RPS6KA2: variants seen among roughly 807,000 people sequenced by gnomAD.
The protein encoded by RPS6KA2 is ribosomal protein S6 kinase alpha-2.
A neutral mutation model predicts 91.8 loss-of-function variants in RPS6KA2; 42 were observed. The ratio of observed to expected loss-of-function variants is 0.46; its 90% CI spans 0.36 to 0.59. The LOEUF (loss-of-function observed/expected upper bound fraction) is 0.59. RPS6KA2 is among the 20% of genes least tolerant of loss of function. RPS6KA2 has a pLI of 0.00. For synonymous variants in RPS6KA2, 414 were observed against 393.6 expected, an observed-to-expected ratio of 1.05 and a Z score of -0.61; for missense variants, 798 against 978.5, an observed-to-expected ratio of 0.82 and a Z score of 2.46.
intron 5 of RPS6KA2, among the ~76,000 whole-genome samples, chr6:166,506,631 C>G (rs943774990): frequency 6.6e-6 from 1 of 152,200 alleles, no homozygotes; most frequent in South Asian, 2.1e-4. Flanking sequence ...GAAACGTGCA[C>G]CACTGTCCAA....
intron 2 of RPS6KA2, among the ~76,000 whole-genome samples, chr6:166,754,566 C>A (rs190274561): frequency 1.3e-5 from 2 of 151,994 alleles, no homozygotes; most frequent in Admixed American, 6.5e-5. Context: ...TGGCCCAGAG[C>A]GTGAGAGTCC....
intron 2 of RPS6KA2, among the ~76,000 whole-genome samples, chr6:166,799,611 G>T: frequency 1.1e-5 from 1 of 95,230 alleles, no homozygotes; most frequent in African/African-American, 3.4e-5. Context: ...TTTTTTAAAA[G>T]GATGAGAGTG....
Position 166,563,892 on chromosome 6 carries a change from C to T in RPS6KA2, c.100-25108G>A, listed in dbSNP as rs764696050. 1.3e-4 allele frequency among the ~76,000 whole-genome samples: 20 copies of T among 152,136 alleles called. No homozygotes were observed. The highest frequency in any genetic ancestry group is 1.9e-4 in the African/African-American group (8 of 41,406). On this transcript the variant is annotated intron_variant, in intron 1 of 20. Coordinates refer to ENST00000265678, the MANE Select transcript of RPS6KA2 (RefSeq NM_021135.6). This position sits in a 1 kb window ranked among gnomAD's most constrained non-coding sequence, Gnocchi z 4.1. Reference sequence around the variant, plus strand: ...ATGAGCTTTACCTATTTGTAAATTACGGGCTTTCAACACGCAGCTGGACGT... The same window carrying T: ...ATGAGCTTTACCTATTTGTAAATTATGGGCTTTCAACACGCAGCTGGACGT...
Position 166,737,099 on chromosome 6 carries a change from T to G in RPS6KA2, c.123+121101A>C, listed in dbSNP as rs957767359. 1.1e-4 allele frequency among the ~76,000 whole-genome samples: 16 copies of G among 152,334 alleles called. No homozygotes were observed. The highest frequency in any genetic ancestry group is 3.4e-4 in the African/African-American group (14 of 41,572). On this transcript the variant is annotated intron_variant, in intron 2 of 21. Transcript: ENST00000503859. The surrounding 1 kb of genome is among the most constrained non-coding windows in gnomAD (Gnocchi z 4.3). ...GACGCAAAAAGATAGATGCACATTCTTTGTCAACTGTCACAAACGAGGTCC... is the reference window on the plus strand; with the variant it reads ...GACGCAAAAAGATAGATGCACATTCGTTGTCAACTGTCACAAACGAGGTCC...
In RPS6KA2 at chr6:166,498,610, T is replaced by A; in HGVS notation, c.645A>T (p.Arg215Ser). 6.2e-7 allele frequency: 1 copy of A among 1,613,932 alleles called. No homozygotes were observed. The highest frequency in any genetic ancestry group is 2.2e-5 in the East Asian group (1 of 44,880). ...LSKEAIDHDK[R>S]AYSFCGTIEY... ...CGATCGTCCCGCAGAAGGAGTACGCTCTCTTGTCGTGGTCAATGGCCTCCT... is the reference window on the plus strand; with the variant it reads ...CGATCGTCCCGCAGAAGGAGTACGCACTCTTGTCGTGGTCAATGGCCTCCT... The change falls in exon 8 of 21, where the codon AGA becomes AGT. Residue 215 changes from arginine (R) to serine (S), a missense_variant. By Grantham distance (110) the Arg-to-Ser change is moderately radical (BLOSUM62 -1). Transcript: ENST00000265678.
chr6:166,836,112 G>A (rs528189671), intron 2 of RPS6KA2, among the ~76,000 whole-genome samples: 1 of 151,910 alleles, frequency 6.6e-6, no homozygotes, highest in Non-Finnish European at 1.5e-5. Flanking sequence ...GTATGTTGCT[G>A]GATTCAATTT....
intron 3 of RPS6KA2, among the ~76,000 whole-genome samples, chr6:166,530,472 G>A (rs899185151): frequency 2.6e-5 from 4 of 152,206 alleles, no homozygotes; most frequent in African/African-American, 4.8e-5. Context: ...TGCTGCCCCC[G>A]TGACGCCCTG....
chr6:166,630,526 TTCACCAGGA>T (rs1285869095), upstream of RPS6KA2, among the ~76,000 whole-genome samples: 2 of 152,250 alleles, frequency 1.3e-5, no homozygotes, highest in Non-Finnish European at 1.5e-5. Context: ...GATGCAAAAC[TTCACCAGGA>T]TCACCAGGGT....
rs116795842 is a variant in RPS6KA2 at position 166,449,258 on chromosome 6, G to C, written c.1207-409C>G. Among the ~76,000 whole-genome samples, 616 of 152,248 alleles carry C rather than the reference G, an allele frequency of 4.0e-3. 7 individuals are homozygous for C. The highest frequency in any genetic ancestry group is 0.014 in the African/African-American group (589 of 41,534). On this transcript the variant is annotated intron_variant, in intron 13 of 20. Transcript: ENST00000265678. ...GGAAATCTGACTCCATGGTGTCCAA[G>C]TCACAGCCTGCTCTGACCTGCATGC...
chr6:166,766,672 A>C (rs1199944875), intron 2 of RPS6KA2, among the ~76,000 whole-genome samples: 1 of 152,232 alleles, frequency 6.6e-6, no homozygotes, highest in African/African-American at 2.4e-5. Flanking sequence ...TTCTAGCTCA[A>C]ATTCTAATTC....
At chr6:166,631,109 A>G (rs1787060830), upstream of RPS6KA2, among the ~76,000 whole-genome samples, 1 of 152,234 alleles carries the variant, frequency 6.6e-6, no homozygotes. Context: ...TGTCAGAATG[A>G]CACCTGTGCC....
In RPS6KA2 at chr6:166,423,307, C is replaced by T. The variant is rs769218479; in HGVS notation, c.1692G>A (p.Gly564=). The T allele has an allele frequency of 3.7e-6, 6 of 1,613,906 alleles. No homozygotes were observed. The African/African-American group carries it at 8.0e-5, about 22-fold the overall frequency. ...DFGFAKQLRA[G]NGLLMTPCYT... is the part of the protein sequence containing the mutation. The stretch of plus-strand genomic sequence containing the variant: ...AGCAGGGTGTCATGAGCAGCCCGTT[C>T]CCCGCGCGCAGCTGCTTGGCAAAGC... Residue 564 remains glycine (G), a synonymous_variant, in exon 17 of 21, where the codon GGG becomes GGA. Transcript: ENST00000265678. The surrounding 1 kb of genome is among the most constrained non-coding windows in gnomAD (Gnocchi z 4.8).
intron 10 of RPS6KA2, among the ~76,000 whole-genome samples, chr6:166,476,268 ACAGCC>A (rs1156693210): frequency 8.5e-5 from 13 of 152,296 alleles, no homozygotes; most frequent in African/African-American, 3.1e-4. Flanking sequence ...CAGTGGGAGC[ACAGCC>A]CTGCAGCCTT....
intron 1 of RPS6KA2, among the ~76,000 whole-genome samples, chr6:166,614,976 C>T (rs958357585): frequency 2.0e-5 from 3 of 152,184 alleles, no homozygotes; most frequent in Non-Finnish European, 2.9e-5. Flanking sequence ...TAGGCTGTGG[C>T]TTTCTCGAGG....
Position 166,648,553 on chromosome 6 carries a change from C to T in RPS6KA2, c.124-109769G>A, listed in dbSNP as rs1414930965. Among the ~76,000 whole-genome samples the T allele has an allele frequency of 2.0e-5, 3 of 152,190 alleles. No individual in the cohort carries two copies. Among genetic ancestry groups the T allele is most frequent in the Non-Finnish European group, 4.4e-5 (3 of 68,040 alleles). On this transcript the variant is annotated intron_variant, in intron 2 of 21. Coordinates refer to the RPS6KA2 transcript ENST00000503859. The surrounding 1 kb of genome is among the most constrained non-coding windows in gnomAD (Gnocchi z 4.8). ...TTAATAAATGTTTCTGGATTGAACA[C>T]GTGAGTGAGTTCGTATATTCCTGAA...
intron 2 of RPS6KA2, 27 bp downstream of exon 2, chr6:166,538,641 T>C (rs761061108): frequency 7.6e-7 from 1 of 1,314,198 alleles, no homozygotes; most frequent in South Asian, 1.2e-5. Flanking sequence ...GGAATGAGAC[T>C]CAAGAGACAG....
chr6:166,819,600 A>T (rs1344070789), intron 2 of RPS6KA2, among the ~76,000 whole-genome samples: 1 of 152,010 alleles, frequency 6.6e-6, no homozygotes, highest in Non-Finnish European at 1.5e-5. Context: ...TAGATAGGGC[A>T]CAGTATGAGT....
intron 1 of RPS6KA2, among the ~76,000 whole-genome samples, chr6:166,573,139 T>C (rs1784740086): frequency 6.6e-6 from 1 of 152,136 alleles, no homozygotes. Context: ...GTGAGATCTT[T>C]GGTCTGTGGG....
At chr6:166,471,573 G>T (rs565882680) in intron 10 of RPS6KA2, among the ~76,000 whole-genome samples, 2 of 152,256 alleles carry the variant, frequency 1.3e-5, no homozygotes, top group African/African-American at 4.8e-5. Context: ...ATTAGAGGAA[G>T]GGCACACATT....
Sources: gnomAD v4.1 joint callset for allele counts (sites outside exome capture counted in the v4.1 genomes callset) on GRCh38, gnomAD v4.1.1 for gene constraint, Gnocchi (gnomAD v3.1) non-coding constraint, MANE v1.5 for transcripts, NCBI Gene and HGNC (gene_info 2026-07-23, HGNC 2026-07-21) for gene names.